NCAN: variants seen among roughly 807,000 people sequenced by gnomAD.
NCAN encodes neurocan core protein.
NCAN carries 47 observed loss-of-function variants against 121.8 expected under a neutral mutation model. The ratio of observed to expected loss-of-function variants is 0.39; its 90% CI spans 0.31 to 0.49. The LOEUF (loss-of-function observed/expected upper bound fraction) is 0.49. Ranked by LOEUF, NCAN falls within the 20% of genes least tolerant of loss-of-function variation. The pLI, the probability that NCAN is intolerant of heterozygous loss-of-function variation, is 0.92. For missense variants in NCAN, 1,517 were observed against 1,773.4 expected (o/e 0.86, Z 2.60); for synonymous variants, 633 against 702.0 (o/e 0.90, Z 1.55).
intron 10 of NCAN, among the ~76,000 whole-genome samples, chr19:19,235,680 G>A (rs1015800366): frequency 3.4e-5 from 5 of 147,624 alleles, no homozygotes; most frequent in African/African-American, 1.3e-4. Context: ...TGGTCCAAGT[G>A]ATTCTCCTAC....
chr19:19,233,494 C>T (rs750256823), intron 8 of NCAN, among the ~76,000 whole-genome samples: 8 of 152,126 alleles, frequency 5.3e-5, no homozygotes, highest in Non-Finnish European at 8.8e-5. Flanking sequence ...AGACATTCTA[C>T]GAGGTCCTTC....
rs368696340 is a variant in NCAN at position 19,238,274 on chromosome 19, G to T, written c.3272G>T (p.Gly1091Val). The part of the protein sequence containing the change: ...CEKDTEGCDR[G>V]WHKFQGHCYR... ...CCAGACACCGAGGGCTGTGACCGCG[G>T]CTGGCATAAGTTCCAGGGCCACTGT... The change falls in exon 11 of 15, where the codon GGC becomes GTC. Residue 1091 changes from glycine to valine, a missense_variant. Gly to Val is a moderately radical substitution (Grantham distance 109). Coordinates refer to ENST00000252575, the MANE Select transcript of NCAN (RefSeq NM_004386.3). 1 of 1,614,184 alleles carries T rather than the reference G, an allele frequency of 6.2e-7. No individual in the cohort carries two copies. Among genetic ancestry groups the T allele is most frequent in the Non-Finnish European group, 8.5e-7 (1 of 1,180,026 alleles).
chr19:19,239,649 C>T (rs1356869762), intron 11 of NCAN, among the ~76,000 whole-genome samples: 1 of 104,434 alleles, frequency 9.6e-6, no homozygotes, highest in African/African-American at 4.0e-5. Flanking sequence ...CCTCCTCCTT[C>T]CACTCATCTT....
intron 1 of NCAN, among the ~76,000 whole-genome samples, chr19:19,214,701 CTGGA>C (rs2060789637): frequency 6.7e-6 from 1 of 150,044 alleles, no homozygotes; most frequent in African/African-American, 2.5e-5. Context: ...GCAGAGCTAT[CTGGA>C]TGTAGTCTGA....
rs1257983951 is a variant in NCAN at position 19,250,035 on chromosome 19, C to T, written c.*124C>T. The T allele has an allele frequency of 3.1e-6, 3 of 976,234 alleles. No individual in the cohort carries two copies. Among genetic ancestry groups the T allele is most frequent in the Non-Finnish European group, 4.8e-6 (3 of 625,790 alleles). The allele number at this position is 976,234 out of a possible 1,614,324, so 60.5% of individuals were successfully genotyped here. On this transcript the variant is annotated 3_prime_UTR_variant, in exon 15 of 15. Coordinates refer to ENST00000252575, the MANE Select transcript of NCAN (RefSeq NM_004386.3). ...TCCCTGAACCCCAAACCACATCCCC[C>T]ACACACATAATCCTTTGTACAAAGC...
intron 3 of NCAN, 142 bp from the exon 4 acceptor site, chr19:19,223,879 C>T (rs1270611956): frequency 4.1e-6 from 3 of 737,076 alleles, no homozygotes; most frequent in Non-Finnish European, 5.9e-6. Context: ...GATCTTGCTC[C>T]CCACCCTCGA....
chr19:19,246,802 A>G (rs2050085670), intron 13 of NCAN, among the ~76,000 whole-genome samples: 1 of 152,064 alleles, frequency 6.6e-6, no homozygotes, highest in Admixed American at 6.6e-5. Context: ...TCAGCCTCCC[A>G]AAGTTCTGGG....
chr19:19,219,497 C>A (rs2060808340), intron 3 of NCAN, among the ~76,000 whole-genome samples, 181 bp downstream of exon 3: 1 of 151,984 alleles, frequency 6.6e-6, no homozygotes, highest in Admixed American at 6.6e-5. Flanking sequence ...GAGTTCGAGA[C>A]CAGCCTGGGT....
At chr19:19,223,001 T>C (rs1266723871) in intron 3 of NCAN, among the ~76,000 whole-genome samples, 3 of 151,934 alleles carry the variant, frequency 2.0e-5, no homozygotes, top group African/African-American at 4.8e-5. Flanking sequence ...CCCAGCTACT[T>C]GGGAGGCTGA....
intron 2 of NCAN, among the ~76,000 whole-genome samples, chr19:19,218,217 G>A (rs980659578): frequency 2.0e-5 from 3 of 152,048 alleles, no homozygotes; most frequent in Non-Finnish European, 2.9e-5. Context: ...GGCAGAGGTT[G>A]CAGTGAGCTG....
chr19:19,228,455 C>T lies in NCAN; in HGVS notation c.2835C>T (p.Ser945=), dbSNP rs775103741. The T allele has an allele frequency of 1.9e-6, 3 of 1,613,654 alleles. No individual in the cohort carries two copies. In the Admixed American group the frequency reaches 5.0e-5, roughly 27 times the overall value. ...AASVGESASV[S]SGEPTVPWDP... is the part of the protein sequence containing the mutation. ...GTGTGGGCGAGTCTGCCTCAGTTTC[C>T]TCAGGGGAGCCTACGGTACCGTGGG... The change falls in exon 8 of 15, where the codon TCC becomes TCT. Residue 945 remains serine (S), a synonymous_variant. Coordinates refer to ENST00000252575, the MANE Select transcript of NCAN (RefSeq NM_004386.3).
chr19:19,226,982 G>T lies in NCAN; in HGVS notation c.1569G>T (p.Pro523=). 1 of 1,539,170 alleles carries T rather than the reference G, an allele frequency of 6.5e-7. No homozygotes were observed. ...CTGCAGTGAACCAAATGGAGCCTCC[G>T]TTGGCCATGGCAGTCACAGAGATGT... is the stretch of plus-strand genomic sequence containing the variant. ...SEAAVNQMEP[P]LAMAVTEMLG... The change falls in exon 7 of 15, where the codon CCG becomes CCT. Residue 523 remains proline (P), a synonymous_variant. Transcript: ENST00000252575.
rs1386527535 is a variant in NCAN, at chr19:19,212,072, A to T, written c.-8+8A>T. 5.0e-6 allele frequency: 1 copy of T among 201,950 alleles called. No homozygotes were observed. Among genetic ancestry groups the T allele is most frequent in the Non-Finnish European group, 1.1e-5 (1 of 93,544 alleles). 12.5% of individuals were successfully genotyped at this position (201,950 alleles called of 1,614,324 possible). A position where few individuals can be genotyped will look rare whatever the true frequency, so the allele number is the denominator to read the frequency against. On this transcript the variant is annotated splice_region_variant and intron_variant, in intron 1 of 14. Transcript: ENST00000252575. This position sits in a 1 kb window ranked among gnomAD's most constrained non-coding sequence, Gnocchi z 4.5. ...GTCCGAGCTAGGAGCCAGGTGGGGG[A>T]TCCGTGAGGGGGCCGTGTTGCGGGA...
intron 8 of NCAN, among the ~76,000 whole-genome samples, chr19:19,228,931 G>A (rs560727467): frequency 3.5e-4 from 53 of 152,312 alleles, no homozygotes; most frequent in Non-Finnish European, 6.5e-4. Flanking sequence ...TGAGTGGCCG[G>A]GCATGGTGCC....
In NCAN at chr19:19,226,536, G is replaced by A. The variant is rs2060837570; in HGVS notation, c.1123G>A (p.Asp375Asn). Reference protein sequence around the residue: ...HGDLETPSSGDEGEILSAEGP... With the variant: ...HGDLETPSSGNEGEILSAEGP... The stretch of plus-strand genomic sequence containing the variant: ...AGACCTAGAGACCCCATCCTCTGGG[G>A]ATGAGGGGGAGATTCTGTCAGCAGA... The change falls in exon 7 of 15, where the codon GAT (aspartate) becomes AAT (asparagine). Residue 375 changes from aspartate (D) to asparagine (N), a missense_variant. Transcript: ENST00000252575. 1.2e-6 allele frequency: 2 copies of A among 1,611,890 alleles called. No individual in the cohort carries two copies. Among genetic ancestry groups the A allele is most frequent in the South Asian group, 1.1e-5 (1 of 91,050 alleles).
At chr19:19,219,422 T>A in intron 3 of NCAN, 106 bp downstream of exon 3, 2 of 1,202,362 alleles carry the variant, frequency 1.7e-6, no homozygotes, top group Non-Finnish European at 2.2e-6. Context: ...AGACCTGGCC[T>A]GGTGTCTCAT....
At position 19,225,462 on chromosome 19, in the gene NCAN, T is replaced by C. The variant is rs1007389353; in HGVS notation, c.1072+192T>C. On this transcript the variant is annotated intron_variant, in intron 6 of 14. Coordinates refer to ENST00000252575, the MANE Select transcript of NCAN (RefSeq NM_004386.3). This position sits in a 1 kb window ranked among gnomAD's most constrained non-coding sequence, Gnocchi z 4.0. ...GACAAGTCTTTCCCTAGGAGCCCCG[T>C]CCTGGGTAAAGAACAGGGCTCCAGA... is the stretch of plus-strand genomic sequence containing the variant. Among the ~76,000 whole-genome samples the C allele has an allele frequency of 3.3e-5, 5 of 152,270 alleles. No homozygotes were observed. The East Asian group carries it at 9.7e-4, about 29-fold the overall frequency.
At position 19,228,493 on chromosome 19, in the gene NCAN, C is replaced by G. The variant is rs2060846512; in HGVS notation, c.2873C>G (p.Thr958Ser). ...ACGGTACCGTGGGACCCCTCCAGCA[C>G]CCTGCTGCCTGTCACCCTGGGCATA... ...EPTVPWDPSS[T>S]LLPVTLGIED... The change falls in exon 8 of 15, where the codon ACC becomes AGC. Residue 958 changes from threonine (T) to serine (S), a missense_variant. By Grantham distance (58) the Thr-to-Ser change is moderately conservative. Transcript: ENST00000252575. 1 of 1,613,438 alleles carries G rather than the reference C, an allele frequency of 6.2e-7. No homozygotes were observed. Among genetic ancestry groups the G allele is most frequent in the Non-Finnish European group, 8.5e-7 (1 of 1,180,048 alleles).
In NCAN at chr19:19,225,091, A is replaced by G; in HGVS notation, c.893A>G (p.His298Arg). ...GTGGGACAGCTGCACCTGGCCTGGC[A>G]TGAGGGCCTGGACCAGTGCGACCCG... is the stretch of plus-strand genomic sequence containing the variant. The part of the protein sequence containing the change: ...ASVGQLHLAW[H>R]EGLDQCDPGW... The change falls in exon 6 of 15, where the codon CAT becomes CGT. Residue 298 changes from histidine (H) to arginine (R), a missense_variant. By Grantham distance (29) the His-to-Arg change is conservative (BLOSUM62 0). Coordinates refer to ENST00000252575, the MANE Select transcript of NCAN (RefSeq NM_004386.3). This position sits in a 1 kb window ranked among gnomAD's most constrained non-coding sequence, Gnocchi z 4.0. 1 of 1,534,604 alleles carries G rather than the reference A, an allele frequency of 6.5e-7. No individual in the cohort carries two copies. The highest frequency in any genetic ancestry group is 8.7e-7 in the Non-Finnish European group (1 of 1,148,572).
Sources: gnomAD v4.1 joint callset for allele counts (sites outside exome capture counted in the v4.1 genomes callset) on GRCh38, gnomAD v4.1.1 for gene constraint, Gnocchi (gnomAD v3.1) non-coding constraint, MANE v1.5 for transcripts, NCBI Gene and HGNC (gene_info 2026-07-23, HGNC 2026-07-21) for gene names.